The following NCKAP5L variants were observed in gnomAD, a reference collection of about 807,000 sequenced individuals.
The protein encoded by NCKAP5L is NCK associated protein 5 like.
In NCKAP5L, 54 loss-of-function variants were observed where a neutral mutation model predicts 103.2. The ratio of observed to expected loss-of-function variants is 0.52; its 90% confidence interval spans 0.42 to 0.66. The LOEUF (loss-of-function observed/expected upper bound fraction) is 0.66. Among genes scored for constraint, NCKAP5L ranks in the 30% least tolerant of loss-of-function variants. The pLI, the probability that NCKAP5L is intolerant of heterozygous loss-of-function variation, is 0.00. For missense variants in NCKAP5L, 1,733 were observed against 1,750.6 expected (o/e 0.99, Z 0.18); for synonymous variants, 762 against 748.6 (o/e 1.02, Z -0.29).
chr12:49,792,276 G>T lies in NCKAP5L; in HGVS notation c.3792+170C>A, dbSNP rs1592744724. 7.5e-7 allele frequency: 1 copy of T among 1,338,490 alleles called. No individual in the cohort carries two copies. The highest frequency in any genetic ancestry group is 1.0e-6 in the Non-Finnish European group (1 of 965,466). 82.9% of individuals were successfully genotyped at this position (1,338,490 alleles called of 1,614,324 possible). A position where few individuals can be genotyped will look rare whatever the true frequency, so the allele number is the denominator to read the frequency against. The stretch of plus-strand genomic sequence containing the variant: ...CCTTTCCCCACGAGAGAAGTGCAAG[G>T]AGGGCAGTGGGGAGGGCCGCTCACA... On this transcript the variant is annotated intron_variant, in intron 12 of 12. Transcript: ENST00000335999. The surrounding 1 kb of genome is among the most constrained non-coding windows in gnomAD (Gnocchi z 4.5).
chr12:49,818,219 T>G (rs1946321952), intron 1 of NCKAP5L, among the ~76,000 whole-genome samples: 1 of 151,924 alleles, frequency 6.6e-6, no homozygotes. Context: ...AAAAACTCCA[T>G]GACATTGGTC....
chr12:49,812,294 T>C (rs570969032), intron 1 of NCKAP5L, among the ~76,000 whole-genome samples: 1 of 152,226 alleles, frequency 6.6e-6, no homozygotes, highest in African/African-American at 2.4e-5. Flanking sequence ...TGGTGCCTTT[T>C]ACGACTGGCT....
chr12:49,795,154 C>T lies in NCKAP5L; in HGVS notation c.2706G>A (p.Glu902=). ...GCTTGACCTCGGCGCCAGGGGCTCG[C>T]TCCTGGCCCTGGAGCCGCAGCACGT... is the stretch of plus-strand genomic sequence containing the variant. The part of the protein sequence containing the change: ...EENVLRLQGQ[E]RAPGAEVKHR... Residue 902 remains glutamate (E), a synonymous_variant, in exon 8 of 13, where the codon GAG becomes GAA. Coordinates refer to ENST00000335999, the MANE Select transcript of NCKAP5L (RefSeq NM_001037806.4). 1.9e-6 allele frequency: 3 copies of T among 1,608,180 alleles called. No homozygotes were observed. Among genetic ancestry groups the T allele is most frequent in the Non-Finnish European group, 2.5e-6 (3 of 1,178,152 alleles).
rs1175967514 is a variant in NCKAP5L at position 49,791,879 on chromosome 12, G to A, written c.3965C>T (p.Ser1322Leu). 1.2e-6 allele frequency: 2 copies of A among 1,612,074 alleles called. No individual in the cohort carries two copies. Among genetic ancestry groups the A allele is most frequent in the Admixed American group, 1.7e-5 (1 of 59,856 alleles). ...GLETSESLSD[S>L]LYDSLSSCGS... Reference sequence around the variant, plus strand: ...ACAAGAGGACAGCGAGTCGTAGAGTGAGTCACTGAGAGACTCCGAGGTCTC... The same window carrying A: ...ACAAGAGGACAGCGAGTCGTAGAGTAAGTCACTGAGAGACTCCGAGGTCTC... Residue 1322 changes from serine to leucine, a missense_variant, in exon 13 of 13, where the codon TCA becomes TTA. Physicochemically the swap from Ser to Leu is moderately radical, Grantham distance 145 (BLOSUM62 -2). Coordinates refer to ENST00000335999, the MANE Select transcript of NCKAP5L (RefSeq NM_001037806.4).
chr12:49,826,189 CCCT>C (rs1946414550), intron 1 of NCKAP5L, among the ~76,000 whole-genome samples: 1 of 152,046 alleles, frequency 6.6e-6, no homozygotes, highest in African/African-American at 2.4e-5. Flanking sequence ...GCCCTCCTTG[CCCT>C]CCTCCTATAA....
chr12:49,795,247 AC>A lies in NCKAP5L; in HGVS notation c.2612del (p.Ser871IlefsTer17). The A allele has an allele frequency of 6.5e-7, 1 of 1,547,588 alleles. No individual in the cohort carries two copies. The highest frequency in any genetic ancestry group is 8.7e-7 in the Non-Finnish European group (1 of 1,148,188). On this transcript the variant is annotated frameshift_variant, in exon 8 of 13. Transcript: ENST00000335999. LOFTEE classifies it high-confidence loss of function. ...GTGGGGCCAGCCCCTCAGGGCCCTG[AC>A]TTGGGTCAGTGGGGCCAGGTACTAG... ...TPLVPGPTDP[S>X]QGPEGLAPHS... is the part of the protein sequence containing the mutation.
chr12:49,824,687 C>G (rs985011725), intron 1 of NCKAP5L, among the ~76,000 whole-genome samples: 3 of 152,232 alleles, frequency 2.0e-5, no homozygotes, highest in African/African-American at 4.8e-5. Context: ...GCAGGTCCAT[C>G]CACGGCCTGC....
rs746533115 is a variant in NCKAP5L, at chr12:49,792,787, C to T, written c.3540G>A (p.Val1180=). ...TCACCAGCAGCTCCTCTATGCCTGG[C>T]ACCTCCCGCTCCAGTGTGTGGGCGC... is the stretch of plus-strand genomic sequence containing the variant. ...PRRAHTLERE[V]PGIEELLVSG... is the part of the protein sequence containing the mutation. The change falls in exon 11 of 13, where the codon GTG becomes GTA. Residue 1180 remains valine, a synonymous_variant. Transcript: ENST00000335999. The surrounding 1 kb of genome is among the most constrained non-coding windows in gnomAD (Gnocchi z 4.5). 10 of 1,606,038 alleles carry T rather than the reference C, an allele frequency of 6.2e-6. No individual in the cohort carries two copies. In the East Asian group the frequency reaches 1.8e-4, roughly 29 times the overall value.
Position 49,795,686 on chromosome 12 carries a change from A to T in NCKAP5L, c.2174T>A (p.Ile725Lys). 2 of 1,611,934 alleles carry T rather than the reference A, an allele frequency of 1.2e-6. No homozygotes were observed. Among genetic ancestry groups the T allele is most frequent in the Non-Finnish European group, 1.7e-6 (2 of 1,179,212 alleles). The change falls in exon 8 of 13, where the codon ATA (isoleucine) becomes AAA (lysine). Residue 725 changes from isoleucine (I) to lysine (K), a missense_variant. Physicochemically the swap from Ile to Lys is moderately radical, Grantham distance 102. Coordinates refer to ENST00000335999, the MANE Select transcript of NCKAP5L (RefSeq NM_001037806.4). ...TGTGCCCAAGGCCACTGCCCCCCGT[A>T]TCCCCCCCTTGGCTTCTAGCTGCTC... Reference protein sequence around the residue: ...PLEQLEAKGGIRGAVALGTNS... With the variant: ...PLEQLEAKGGKRGAVALGTNS...
At chr12:49,820,811 CTT>C (rs1003968185) in intron 1 of NCKAP5L, among the ~76,000 whole-genome samples, 17 of 152,226 alleles carry the variant, frequency 1.1e-4, no homozygotes, top group Non-Finnish European at 2.1e-4. Flanking sequence ...GGGCTCTGCT[CTT>C]GTTTGTGATC....
At chr12:49,798,299 T>C (rs1403387518) in intron 7 of NCKAP5L, 51 bp downstream of exon 7, 10 of 1,452,082 alleles carry the variant, frequency 6.9e-6, no homozygotes, top group South Asian at 2.4e-5. Flanking sequence ...TCTCCAGATA[T>C]TTGCTAGGAA....
rs754291196 is a variant in NCKAP5L, at chr12:49,791,979, C to G, written c.3865G>C (p.Gly1289Arg). 1.2e-6 allele frequency: 2 copies of G among 1,608,222 alleles called. No homozygotes were observed. Among genetic ancestry groups the G allele is most frequent in the East Asian group, 4.5e-5 (2 of 44,830 alleles). Reference sequence around the variant, plus strand: ...GAAGTGCTGGGGGTGCGGCTACCCCCGAAAGGTGGGCCCTGGGGCGTAGGG... The same window carrying G: ...GAAGTGCTGGGGGTGCGGCTACCCCGGAAAGGTGGGCCCTGGGGCGTAGGG... Reference protein sequence around the residue: ...PSPTPQGPPFGGSRTPSTSDM... With the variant: ...PSPTPQGPPFRGSRTPSTSDM... Residue 1289 changes from glycine to arginine, a missense_variant, in exon 13 of 13, where the codon GGG becomes CGG. Gly to Arg is a moderately radical substitution (Grantham distance 125). Transcript: ENST00000335999.
rs377316096 is a variant in NCKAP5L, at chr12:49,796,934, T to C, written c.926A>G (p.Asn309Ser). 314 of 1,606,798 alleles carry C rather than the reference T, an allele frequency of 2.0e-4. 2 individuals carry two copies. Among genetic ancestry groups the C allele is most frequent in the South Asian group, 1.2e-3 (108 of 90,000 alleles). ...CAGGGTGTCGGGGCTGGGTGCCTCA[T>C]TGGGGTCACCTGCCTCATCAGAAGA... The part of the protein sequence containing the change: ...SSSSDEAGDP[N>S]EAPSPDTLLG... Residue 309 changes from asparagine (N) to serine (S), a missense_variant, in exon 8 of 13, where the codon AAT becomes AGT. Coordinates refer to ENST00000335999, the MANE Select transcript of NCKAP5L (RefSeq NM_001037806.4).
At position 49,816,495 on chromosome 12, in the gene NCKAP5L, C is replaced by CAAAAAAAAA. The variant is rs1163941989; in HGVS notation, c.-98-10463_-98-10455dup. Among the ~76,000 whole-genome samples, 298 of 49,380 alleles carry CAAAAAAAAA rather than the reference C, an allele frequency of 6.0e-3. 28 individuals carry two copies. Among genetic ancestry groups the CAAAAAAAAA allele is most frequent in the African/African-American group, 0.016 (212 of 13,028 alleles). 32.4% of individuals were successfully genotyped at this position (49,380 alleles called of 152,430 possible). ...ACCCTTTCAAAGTTCTCAACCCTCT[C>CAAAAAAAAA]AAAAAAAAAAAAAAAAAAAAAAGGC... On this transcript the variant is annotated intron_variant, in intron 1 of 12. Coordinates refer to ENST00000335999, the MANE Select transcript of NCKAP5L (RefSeq NM_001037806.4).
At chr12:49,812,678 C>A (rs1946254023) in intron 1 of NCKAP5L, among the ~76,000 whole-genome samples, 1 of 152,214 alleles carries the variant, frequency 6.6e-6, no homozygotes, top group South Asian at 2.1e-4. Flanking sequence ...CCACACCCAG[C>A]CTCCATTCCT....
At chr12:49,827,088 G>C (rs939877717) in intron 1 of NCKAP5L, among the ~76,000 whole-genome samples, 3 of 152,174 alleles carry the variant, frequency 2.0e-5, no homozygotes, top group Admixed American at 6.6e-5. Context: ...GAGTCTCAGA[G>C]AGCCAGATGG....
intron 1 of NCKAP5L, among the ~76,000 whole-genome samples, chr12:49,806,445 T>A (rs1210031522): frequency 6.6e-6 from 1 of 152,244 alleles, no homozygotes; most frequent in East Asian, 1.9e-4. Context: ...CTATTATCAG[T>A]GCCTGTGTTT....
intron 1 of NCKAP5L, among the ~76,000 whole-genome samples, chr12:49,807,246 C>G (rs1230803150): frequency 6.7e-6 from 1 of 149,162 alleles, no homozygotes; most frequent in East Asian, 2.0e-4. Flanking sequence ...AATGCTTCTT[C>G]GTGTGTGTGT....
At chr12:49,801,531 G>C (rs997195734) in intron 6 of NCKAP5L, among the ~76,000 whole-genome samples, 3 of 152,176 alleles carry the variant, frequency 2.0e-5, no homozygotes, top group African/African-American at 7.2e-5. Context: ...CCAAGAAGAG[G>C]CTGTGTCAGT....
Sources: gnomAD v4.1 joint callset for allele counts (sites outside exome capture counted in the v4.1 genomes callset) on GRCh38, gnomAD v4.1.1 for gene constraint, Gnocchi (gnomAD v3.1) non-coding constraint, MANE v1.5 for transcripts, NCBI Gene and HGNC (gene_info 2026-07-23, HGNC 2026-07-21) for gene names.